The following ATAD3C variants were observed in gnomAD, a reference collection of about 807,000 sequenced individuals.
The protein encoded by ATAD3C is ATPase family AAA domain-containing protein 3C.
ATAD3C carries 38 observed loss-of-function variants against 46.3 expected under a neutral mutation model. That is an observed-to-expected ratio of 0.82 (90% confidence interval 0.63 to 1.08). The LOEUF is 1.08. Among genes scored for constraint, ATAD3C ranks in the 50% least tolerant of loss-of-function variants. The pLI, the probability that ATAD3C is intolerant of heterozygous loss-of-function variation, is 0.00. For synonymous variants in ATAD3C, 220 were observed against 236.4 expected (o/e 0.93, Z 0.63); for missense variants, 563 against 572.7 (o/e 0.98, Z 0.17).
rs779459761 is a variant in ATAD3C, at chr1:1,460,778, C to T, written c.841C>T (p.Pro281Ser). 1.9e-6 allele frequency: 3 copies of T among 1,611,092 alleles called. No individual in the cohort carries two copies. Among genetic ancestry groups the T allele is most frequent in the African/African-American group, 1.3e-5 (1 of 74,936 alleles). Residue 281 changes from proline (P) to serine (S), a missense_variant, in exon 10 of 12, where the codon CCC (proline) becomes TCC (serine). Pro to Ser is a moderately conservative substitution (Grantham distance 74). Coordinates refer to ENST00000378785, the MANE Select transcript of ATAD3C (RefSeq NM_001039211.3). ...KFMLILASCH[P>S]EQFDWAINAC... ...CATGCTGATCCTGGCCAGCTGCCAC[C>T]CCGAGCAGTTCGACTGGGCCATCAA...
intron 4 of ATAD3C, among the ~76,000 whole-genome samples, chr1:1,454,954 A>G (rs1638928797): frequency 6.6e-6 from 1 of 151,230 alleles, no homozygotes; most frequent in Non-Finnish European, 1.5e-5. Context: ...GGTGGCTCAC[A>G]CTTGTAATCC....
chr1:1,461,033 T>G, intron 10 of ATAD3C, 116 bp downstream of exon 10: 2 of 1,312,778 alleles, frequency 1.5e-6, no homozygotes, highest in South Asian at 1.8e-5. Context: ...ACCACCTCCC[T>G]GCCCTGCGGT....
Position 1,454,503 on chromosome 1 carries a change from A to G in ATAD3C, c.378+3A>G, listed in dbSNP as rs773329353. 3.0e-5 allele frequency: 48 copies of G among 1,606,816 alleles called. No individual in the cohort carries two copies. In the African/African-American group the frequency reaches 3.4e-4, roughly 11 times the overall value. ...AGGCGCTGCGGCACCCCATCCAGGTAGCGGCGCAGGCCTGGCCCTCCCTGA... is the reference window on the plus strand; with the variant it reads ...AGGCGCTGCGGCACCCCATCCAGGTGGCGGCGCAGGCCTGGCCCTCCCTGA... On this transcript the variant is annotated splice_donor_region_variant and intron_variant, in intron 4 of 11. Coordinates refer to ENST00000378785, the MANE Select transcript of ATAD3C (RefSeq NM_001039211.3).
intron 3 of ATAD3C, among the ~76,000 whole-genome samples, chr1:1,453,069 A>G (rs1485620223): frequency 6.6e-6 from 1 of 152,052 alleles, no homozygotes; most frequent in Non-Finnish European, 1.5e-5. Context: ...CCGTGGTGCC[A>G]GCACCCAGAG....
chr1:1,458,730 G>GTT (rs200910464), intron 8 of ATAD3C, among the ~76,000 whole-genome samples: 19,467 of 141,584 alleles, frequency 0.14, 3,113 homozygotes, highest in East Asian at 0.47. Flanking sequence ...GTCAGGGTTT[G>GTT]TTTTTTTTTT....
rs1557776137 is a variant in ATAD3C at position 1,452,387 on chromosome 1, G to A, written c.175G>A (p.Glu59Lys). Residue 59 changes from glutamate to lysine, a missense_variant, in exon 3 of 12, where the codon GAA (glutamate) becomes AAA (lysine). Glu to Lys is a moderately conservative substitution (Grantham distance 56, BLOSUM62 1). Around this residue, in one of 3 missense-constraint regions of ATAD3C, gnomAD observed 263 missense variants for 243.1 expected, o/e 1.08. Coordinates refer to ENST00000378785, the MANE Select transcript of ATAD3C (RefSeq NM_001039211.3). ...SIRAAGTLFG[E>K]GFRAFVTDRD... ...CAGGGCGGCTGGCACCTTGTTTGGG[G>A]AAGGATTCCGTGCCTTTGTGACAGA... 3.7e-6 allele frequency: 6 copies of A among 1,613,790 alleles called. No homozygotes were observed. Among genetic ancestry groups the A allele is most frequent in the Non-Finnish European group, 4.2e-6 (5 of 1,179,764 alleles).
rs1639014921 is a variant in ATAD3C at position 1,459,082 on chromosome 1, G to A, written c.742-79G>A. 1.9e-6 allele frequency: 3 copies of A among 1,563,962 alleles called. No homozygotes were observed. Among genetic ancestry groups the A allele is most frequent in the Admixed American group, 1.9e-5 (1 of 51,602 alleles). On this transcript the variant is annotated intron_variant, in intron 8 of 11. Transcript: ENST00000378785. The surrounding 1 kb of genome is among the most constrained non-coding windows in gnomAD (Gnocchi z 4.9). ...CCATGTCCCTGCTCCCTGCAGGAGG[G>A]AGGCCTGTGGGACTTTCTGCTGTGG...
chr1:1,458,318 A>T (rs1281691753), intron 8 of ATAD3C, among the ~76,000 whole-genome samples: 2 of 151,502 alleles, frequency 1.3e-5, no homozygotes, highest in South Asian at 2.1e-4. Context: ...TCTGTCGCCC[A>T]GGCTGGAGTG....
intron 3 of ATAD3C, 128 bp from the exon 4 acceptor site, chr1:1,454,217 T>C: frequency 2.1e-6 from 3 of 1,425,500 alleles, no homozygotes; most frequent in Non-Finnish European, 2.8e-6. Flanking sequence ...CGGGTTCCTG[T>C]GGGGCCAGCA....
rs1048806115 is a variant in ATAD3C at position 1,459,686 on chromosome 1, G to A, written c.812+455G>A. ...GCGGAACCTGGGACCTTGGTCCCCC[G>A]CCCGGATGCTGGCCAAGGGTGCACC... On this transcript the variant is annotated intron_variant, in intron 9 of 11. Transcript: ENST00000378785. The surrounding 1 kb of genome is among the most constrained non-coding windows in gnomAD (Gnocchi z 4.9). Among the ~76,000 whole-genome samples the A allele has an allele frequency of 2.1e-4, 32 of 151,834 alleles. No individual in the cohort carries two copies. Among genetic ancestry groups the A allele is most frequent in the Admixed American group, 1.2e-3 (18 of 15,224 alleles).
chr1:1,449,831 A>G lies in ATAD3C; in HGVS notation c.-853A>G, dbSNP rs1312568. 64,494 of 151,844 alleles carry G rather than the reference A, an allele frequency of 0.42. 20,418 individuals are homozygous for G. The highest frequency in any genetic ancestry group is 0.99 in the East Asian group (5,154 of 5,186). The allele number at this position is 151,844 out of a possible 1,614,324, so 9.4% of individuals were successfully genotyped here. ...CCTGATGCTGAGTCCTCAGCAGCTCAGAGAATACGTACTTCTGTCCCAGGT... is the reference window on the plus strand; with the variant it reads ...CCTGATGCTGAGTCCTCAGCAGCTCGGAGAATACGTACTTCTGTCCCAGGT... On this transcript the variant is annotated 5_prime_UTR_variant, in exon 1 of 12. Coordinates refer to ENST00000378785, the MANE Select transcript of ATAD3C (RefSeq NM_001039211.3).
rs199523351 is a variant in ATAD3C at position 1,459,214 on chromosome 1, G to A, written c.795G>A (p.Thr265=). 4,048 of 1,612,340 alleles carry A rather than the reference G, an allele frequency of 2.5e-3. 95 individuals are homozygous for A. In the African/African-American group the frequency reaches 0.043, roughly 17 times the overall value. The change falls in exon 9 of 12, where the codon ACG becomes ACA. Residue 265 remains threonine, a synonymous_variant. Transcript: ENST00000378785. This position sits in a 1 kb window ranked among gnomAD's most constrained non-coding sequence, Gnocchi z 4.9. Reference sequence around the variant, plus strand: ...CACTGAACGCCTTCCTGTACCGCACGGGCCAGCACAGCAACAAGTGAGGGA... The same window carrying A: ...CACTGAACGCCTTCCTGTACCGCACAGGCCAGCACAGCAACAAGTGAGGGA... ...RATLNAFLYR[T]GQHSNKFMLI...
Position 1,457,606 on chromosome 1 carries a change from A to C in ATAD3C, c.741+426A>C, listed in dbSNP as rs568520081. Among the ~76,000 whole-genome samples, 445 of 150,414 alleles carry C rather than the reference A, an allele frequency of 3.0e-3. 22 individuals are homozygous for C. The highest frequency in any genetic ancestry group is 0.01 in the Middle Eastern group (3 of 292). ...GCGAGACTTCATCTCAAAAAAAAAA[A>C]AAAAAAAACAAAAAAAACAGCATTT... On this transcript the variant is annotated intron_variant, in intron 8 of 11. Transcript: ENST00000378785.
At chr1:1,460,631 C>T (rs928595687) in intron 9 of ATAD3C, 119 bp from the exon 10 acceptor site, 2 of 1,406,786 alleles carry the variant, frequency 1.4e-6, no homozygotes, top group Admixed American at 2.9e-5. Flanking sequence ...CCTGTGCTCA[C>T]AAGCTGCCAC....
Position 1,460,917 on chromosome 1 carries a change from G to C in ATAD3C, c.980G>C (p.Arg327Pro). The change falls in exon 10 of 12, where the codon CGG (arginine) becomes CCG (proline). Residue 327 changes from arginine to proline, a missense_variant and splice_region_variant. Physicochemically the swap from Arg to Pro is moderately radical, Grantham distance 103 (BLOSUM62 -2). Coordinates refer to ENST00000378785, the MANE Select transcript of ATAD3C (RefSeq NM_001039211.3). ...CTTAAGCCGGCCACAGAAGGAAAGCGGTAAGTGTCCCGCCCCACCAGCCCC... is the reference window on the plus strand; with the variant it reads ...CTTAAGCCGGCCACAGAAGGAAAGCCGTAAGTGTCCCGCCCCACCAGCCCC... ...YVLKPATEGK[R>P]RLKLAQFDYG... The C allele has an allele frequency of 6.2e-7, 1 of 1,604,646 alleles. No homozygotes were observed. Among genetic ancestry groups the C allele is most frequent in the Non-Finnish European group, 8.5e-7 (1 of 1,174,770 alleles).
rs370712140 is a variant in ATAD3C, at chr1:1,468,491, G to A, written c.1197G>A (p.Gly399=). The change falls in exon 12 of 12, where the codon GGG becomes GGA. Residue 399 remains glycine, a synonymous_variant. Transcript: ENST00000378785. ...AGCAGATGATGCGCTGGCTGAAGGG[G>A]GAGAGGCCTGGGCCCGAGGACGAGC... is the stretch of plus-strand genomic sequence containing the variant. ...QHQQMMRWLK[G]ERPGPEDEQP... is the part of the protein sequence containing the mutation. 11 of 1,611,358 alleles carry A rather than the reference G, an allele frequency of 6.8e-6. No individual in the cohort carries two copies. Among genetic ancestry groups the A allele is most frequent in the African/African-American group, 1.3e-5 (1 of 74,828 alleles).
In ATAD3C at chr1:1,462,112, T is replaced by A. The variant is rs2100487676; in HGVS notation, c.981-488T>A. Among the ~76,000 whole-genome samples, 1 of 152,108 alleles carries A rather than the reference T, an allele frequency of 6.6e-6. No homozygotes were observed. On this transcript the variant is annotated intron_variant, in intron 10 of 11. Transcript: ENST00000378785. The surrounding 1 kb of genome is among the most constrained non-coding windows in gnomAD (Gnocchi z 4.5). ...TGTCGCCAGTGACGACAAAAGCTGC[T>A]CTGTTCCAAAGAGAGCCTGGTTCTC...
At chr1:1,458,476 C>T (rs1024423277) in intron 8 of ATAD3C, among the ~76,000 whole-genome samples, 2 of 151,388 alleles carry the variant, frequency 1.3e-5, no homozygotes, top group African/African-American at 4.9e-5. Context: ...GACTGGGTTT[C>T]TCCATGCCGG....
intron 10 of ATAD3C, among the ~76,000 whole-genome samples, chr1:1,461,760 C>A (rs28697106): frequency 0.14 from 19,895 of 138,870 alleles, 3,782 homozygotes; most frequent in East Asian, 0.48. Context: ...ACCCCCATGT[C>A]GGGACTAGAG....
Sources: allele counts gnomAD v4.1 joint callset (sites outside exome capture counted in the v4.1 genomes callset), GRCh38; gene constraint gnomAD v4.1.1; regional missense constraint gnomAD v4.1.1; non-coding constraint Gnocchi (gnomAD v3.1); transcripts MANE v1.5; gene names NCBI Gene and HGNC (gene_info 2026-07-23, HGNC 2026-07-21).